Variants in TAFA2 observed in about 807,000 individuals in gnomAD.
TAFA2 encodes chemokine-like protein TAFA-2.
A neutral mutation model predicts 18.8 loss-of-function variants in TAFA2; 7 were observed. The observed-to-expected ratio is 0.37, with a 90% CI of 0.21 to 0.70. TAFA2 has a LOEUF of 0.70. Among genes scored for constraint, TAFA2 ranks in the 30% least tolerant of loss-of-function variants. The pLI, the probability that TAFA2 is intolerant of heterozygous loss-of-function variation, is 0.53. For missense variants in TAFA2, 122 were observed against 158.1 expected (o/e 0.77, Z 1.23); for synonymous variants, 60 against 54.2 (o/e 1.11, Z -0.47).
chr12:61,974,067 G>T (rs1032684584), intron 1 of TAFA2, among the ~76,000 whole-genome samples: 4 of 151,698 alleles, frequency 2.6e-5, no homozygotes, highest in African/African-American at 9.7e-5. Flanking sequence ...ACCAGCTATT[G>T]TGTTAACTAC....
chr12:62,089,203 C>T (rs1429036142), intron 1 of TAFA2, among the ~76,000 whole-genome samples: 1 of 152,074 alleles, frequency 6.6e-6, no homozygotes, highest in Non-Finnish European at 1.5e-5. Flanking sequence ...TCAAAATTTA[C>T]ACCTCTTGTT....
At chr12:62,004,314 T>C (rs953573390) in intron 1 of TAFA2, among the ~76,000 whole-genome samples, 4 of 152,192 alleles carry the variant, frequency 2.6e-5, no homozygotes, top group Non-Finnish European at 4.4e-5. Context: ...CTTCAAAGCA[T>C]GGCTTTCTTT....
In TAFA2 at chr12:62,243,838, TG is replaced by T. The variant is rs1205800581; in HGVS notation, c.-130+14924del. 7.9e-5 allele frequency among the ~76,000 whole-genome samples: 12 copies of T among 152,208 alleles called. 1 individual carries two copies. Among genetic ancestry groups the T allele is most frequent in the Admixed American group, 5.2e-4 (8 of 15,282 alleles). On this transcript the variant is annotated intron_variant, in intron 1 of 5. Coordinates refer to the TAFA2 transcript ENST00000551619. ...CTCTATCACCCAGACTGAAGGGCAG[TG>T]GTAGCATCATGGCTCACTGCAGCCT...
At chr12:62,256,319 C>T (rs1289613818) in intron 1 of TAFA2, among the ~76,000 whole-genome samples, 1 of 151,736 alleles carries the variant, frequency 6.6e-6, no homozygotes, top group Non-Finnish European at 1.5e-5. Context: ...AATTTGTAGA[C>T]CTTATGCCCA....
At chr12:62,245,096 G>C (rs762052214) in intron 1 of TAFA2, among the ~76,000 whole-genome samples, 1 of 151,970 alleles carries the variant, frequency 6.6e-6, no homozygotes, top group Non-Finnish European at 1.5e-5. Context: ...TCCCTACTCA[G>C]AGTGTATAAA....
intron 1 of TAFA2, among the ~76,000 whole-genome samples, chr12:62,200,506 AG>A (rs2062666882): frequency 6.6e-6 from 1 of 152,216 alleles, no homozygotes; most frequent in Non-Finnish European, 1.5e-5. Flanking sequence ...TTTATTCAAC[AG>A]GGTATCCTTT....
At chr12:61,717,649 GTAA>G (rs1476310641) in intron 4 of TAFA2, among the ~76,000 whole-genome samples, 1 of 152,144 alleles carries the variant, frequency 6.6e-6, no homozygotes, top group Non-Finnish European at 1.5e-5. Context: ...AGTGGAAAGA[GTAA>G]TTTCAAACAA....
At chr12:61,878,828 A>C (rs1043153688) in intron 1 of TAFA2, among the ~76,000 whole-genome samples, 1 of 152,152 alleles carries the variant, frequency 6.6e-6, no homozygotes. Context: ...TTTCCCCACA[A>C]AGTATCTTAC....
chr12:61,708,299 C>G lies in TAFA2; in HGVS notation c.*2107G>C, dbSNP rs758568796. On this transcript the variant is annotated 3_prime_UTR_variant, in exon 5 of 5. Transcript: ENST00000416284. ...CCATTTTATATCCCAATTTTATTCA[C>G]CTTTTCTGAATAGTCACAACATTAA... 2.6e-5 allele frequency: 4 copies of G among 152,070 alleles called. No individual in the cohort carries two copies. The highest frequency in any genetic ancestry group is 2.9e-5 in the Non-Finnish European group (2 of 67,982). The allele number at this position is 152,070 out of a possible 1,614,324, so 9.4% of individuals were successfully genotyped here.
At chr12:62,253,190 G>C (rs1475774692) in intron 1 of TAFA2, 1 of 152,146 alleles carries the variant, frequency 6.6e-6, no homozygotes. Flanking sequence ...GAGGATAGAA[G>C]CTTGTTGATG....
intron 1 of TAFA2, among the ~76,000 whole-genome samples, chr12:61,923,786 T>C (rs1877159992): frequency 6.6e-6 from 1 of 151,398 alleles, no homozygotes; most frequent in Non-Finnish European, 1.5e-5. Context: ...AATAACAAAC[T>C]CCTCCGAGCT....
chr12:61,896,630 C>T (rs1279141105), intron 1 of TAFA2, among the ~76,000 whole-genome samples: 1 of 152,186 alleles, frequency 6.6e-6, no homozygotes, highest in Admixed American at 6.5e-5. Flanking sequence ...CACTATTTGC[C>T]TGTACCTTAC....
At chr12:61,843,748 T>C (rs947414045) in intron 2 of TAFA2, among the ~76,000 whole-genome samples, 11 of 152,106 alleles carry the variant, frequency 7.2e-5, no homozygotes, top group Admixed American at 2.6e-4. Flanking sequence ...GTAAACAAAT[T>C]TATAAAGATG....
At chr12:62,012,389 C>T (rs1370491740) in intron 1 of TAFA2, among the ~76,000 whole-genome samples, 1 of 143,840 alleles carries the variant, frequency 7.0e-6, no homozygotes, top group Non-Finnish European at 1.5e-5. Context: ...ACACGTATAT[C>T]ATCTTTCTCA....
rs575256262 is a variant in TAFA2 at position 61,932,683 on chromosome 12, GTCC to G, written c.-1-65260_-1-65258del. On this transcript the variant is annotated intron_variant, in intron 1 of 4. Coordinates refer to ENST00000416284, the MANE Select transcript of TAFA2 (RefSeq NM_178539.5). ...TCTTGAACTCTTGACCTCGTGATCTGTCCTCCTCGACCTCCCAAAGTGCTGGGA... is the reference window on the plus strand; with the variant it reads ...TCTTGAACTCTTGACCTCGTGATCTGTCCTCGACCTCCCAAAGTGCTGGGA... 3.3e-5 allele frequency among the ~76,000 whole-genome samples: 5 copies of G among 152,158 alleles called. No individual in the cohort carries two copies. In the South Asian group the frequency reaches 1.0e-3, roughly 32 times the overall value.
intron 2 of TAFA2, among the ~76,000 whole-genome samples, chr12:61,805,131 C>T (rs1871558183): frequency 6.6e-6 from 1 of 151,760 alleles, no homozygotes; most frequent in South Asian, 2.1e-4. Flanking sequence ...CTGGTATTTA[C>T]AAGTAATAAA....
intron 1 of TAFA2, among the ~76,000 whole-genome samples, chr12:61,898,162 C>T (rs1046294643): frequency 2.6e-5 from 4 of 152,250 alleles, no homozygotes; most frequent in African/African-American, 7.2e-5. Context: ...GCAGTTCTGA[C>T]CCCATGGCTT....
At chr12:62,027,027 C>T (rs940290683) in intron 1 of TAFA2, among the ~76,000 whole-genome samples, 2 of 151,978 alleles carry the variant, frequency 1.3e-5, no homozygotes, top group African/African-American at 4.8e-5. Flanking sequence ...TCCCATGGGT[C>T]ACAGAATGGC....
intron 1 of TAFA2, among the ~76,000 whole-genome samples, chr12:62,257,224 T>C (rs893430091): frequency 4.0e-5 from 6 of 149,120 alleles, no homozygotes; most frequent in African/African-American, 1.5e-4. Context: ...CCACTCAAAT[T>C]TTAGGCAGAT....
Sources: allele counts gnomAD v4.1 joint callset (sites outside exome capture counted in the v4.1 genomes callset), GRCh38; gene constraint gnomAD v4.1.1; transcripts MANE v1.5; gene names NCBI Gene and HGNC (gene_info 2026-07-23, HGNC 2026-07-21).